Variants in ATXN7 observed in about 807,000 individuals in gnomAD.
ATXN7 encodes ataxin-7.
Under a neutral mutation model 70.5 loss-of-function variants are expected in ATXN7, and 12 were observed. The observed-to-expected ratio is 0.17, with a 90% CI of 0.11 to 0.28. The LOEUF (loss-of-function observed/expected upper bound fraction) is 0.28. ATXN7 is among the 10% of genes least tolerant of loss of function. The probability of loss-of-function intolerance (pLI) is 1.00; values close to 1 mark genes in which losing one functional copy is unlikely to be tolerated. For synonymous variants in ATXN7, 498 were observed against 448.7 expected, an observed-to-expected ratio of 1.11 and a Z score of -1.39; for missense variants, 1,256 against 1,131.7, an observed-to-expected ratio of 1.11 and a Z score of -1.58.
chr3:63,912,540 A>G, intron 2 of ATXN7, 48 bp from the exon 3 acceptor site: 1 of 1,085,486 alleles, frequency 9.2e-7, no homozygotes, highest in South Asian at 2.3e-5. Flanking sequence ...CCTCCTTAAA[A>G]AACGGCCCCC....
intron 6 of ATXN7, among the ~76,000 whole-genome samples, chr3:63,981,102 T>G (rs1439642018): frequency 2.6e-5 from 4 of 152,174 alleles, no homozygotes; most frequent in Non-Finnish European, 5.9e-5. Flanking sequence ...AGGTCCAAGA[T>G]CCGGTAACCT....
At chr3:63,958,319 A>G (rs1372844382) in intron 5 of ATXN7, among the ~76,000 whole-genome samples, 1 of 152,232 alleles carries the variant, frequency 6.6e-6, no homozygotes, top group Non-Finnish European at 1.5e-5. Flanking sequence ...CAAATTACTT[A>G]TATATTCATA....
intron 1 of ATXN7, among the ~76,000 whole-genome samples, chr3:63,878,924 T>C (rs1441684193): frequency 6.6e-6 from 1 of 152,154 alleles, no homozygotes; most frequent in Non-Finnish European, 1.5e-5. Flanking sequence ...CAGTGCCTTC[T>C]ATTGGCCAGA....
At chr3:63,869,363 C>T (rs927711255) in intron 1 of ATXN7, among the ~76,000 whole-genome samples, 1 of 152,114 alleles carries the variant, frequency 6.6e-6, no homozygotes, top group South Asian at 2.1e-4. Flanking sequence ...AAGTGGTAGC[C>T]ATTTTGAAGA....
intron 5 of ATXN7, chr3:63,967,758 T>C (rs2075250370): frequency 7.0e-7 from 1 of 1,418,724 alleles, no homozygotes; most frequent in Middle Eastern, 1.9e-4. Context: ...TCTGTTGATC[T>C]GCCAGGACCT....
Position 63,903,384 on chromosome 3 carries a change from C to A in ATXN7, c.-12+4887C>A, listed in dbSNP as rs1193764528. Among the ~76,000 whole-genome samples the A allele has an allele frequency of 1.3e-4, 13 of 101,336 alleles. No homozygotes were observed. In the East Asian group the frequency reaches 2.2e-3, roughly 17 times the overall value. The allele number at this position is 101,336 out of a possible 152,430, so 66.5% of individuals were successfully genotyped here. On this transcript the variant is annotated intron_variant, in intron 2 of 12. Coordinates refer to ENST00000674280, the MANE Select transcript of ATXN7 (RefSeq NM_001377405.1). ...CCTGGGCAACAGAGCAAGACTCCGTCTCAAAAAAAAAAAAAAAAAAAAAAA... is the reference window on the plus strand; with the variant it reads ...CCTGGGCAACAGAGCAAGACTCCGTATCAAAAAAAAAAAAAAAAAAAAAAA...
At chr3:63,923,300 G>A (rs1704574806) in intron 4 of ATXN7, among the ~76,000 whole-genome samples, 1 of 152,184 alleles carries the variant, frequency 6.6e-6, no homozygotes, top group Admixed American at 6.5e-5. Context: ...GTTTTCTGAT[G>A]GGTGTTAGGG....
At chr3:63,876,402 C>T (rs1348131662) in intron 1 of ATXN7, among the ~76,000 whole-genome samples, 1 of 152,140 alleles carries the variant, frequency 6.6e-6, no homozygotes, top group East Asian at 1.9e-4. Flanking sequence ...AAATCATTTG[C>T]AGATCGAAGT....
chr3:63,919,926 A>G (rs1380461325), intron 4 of ATXN7, among the ~76,000 whole-genome samples: 1 of 151,868 alleles, frequency 6.6e-6, no homozygotes, highest in Non-Finnish European at 1.5e-5. Context: ...TAAATATGCA[A>G]GAGAAAGAGT....
At chr3:63,966,789 CTT>C (rs923035251) in intron 5 of ATXN7, among the ~76,000 whole-genome samples, 8 of 152,192 alleles carry the variant, frequency 5.3e-5, no homozygotes, top group African/African-American at 1.9e-4. Context: ...TAATTCATGA[CTT>C]TTGCCAAATA....
intron 4 of ATXN7, among the ~76,000 whole-genome samples, chr3:63,940,285 TCACACACACACACACA>T (rs34660611): frequency 7.8e-5 from 11 of 141,444 alleles, no homozygotes; most frequent in Non-Finnish European, 1.2e-4. Flanking sequence ...CCATGCCCCA[TCACACACACACACACA>T]CACACACACA....
intron 5 of ATXN7, among the ~76,000 whole-genome samples, chr3:63,954,310 C>T (rs1478237745): frequency 6.6e-6 from 1 of 152,162 alleles, no homozygotes; most frequent in Non-Finnish European, 1.5e-5. Context: ...TTGGTGGCCC[C>T]GGATTGGCAA....
intron 4 of ATXN7, among the ~76,000 whole-genome samples, chr3:63,943,733 G>C (rs1027519453): frequency 6.6e-6 from 1 of 152,156 alleles, no homozygotes; most frequent in Non-Finnish European, 1.5e-5. Flanking sequence ...AGTAAAGAAG[G>C]AAGAAACTAC....
chr3:63,875,444 T>C (rs1243106903), intron 1 of ATXN7, among the ~76,000 whole-genome samples: 1 of 152,078 alleles, frequency 6.6e-6, no homozygotes, highest in Non-Finnish European at 1.5e-5. Flanking sequence ...ACCATGACAG[T>C]GTGTAATGGT....
intron 2 of ATXN7, among the ~76,000 whole-genome samples, chr3:63,910,908 C>A (rs1703991751): frequency 6.6e-6 from 1 of 151,888 alleles, no homozygotes; most frequent in South Asian, 2.1e-4. Flanking sequence ...TCTAGCAATC[C>A]CACCTTATGT....
At chr3:63,912,484 C>A in intron 2 of ATXN7, 104 bp from the exon 3 acceptor site, 1 of 732,058 alleles carries the variant, frequency 1.4e-6, no homozygotes, top group Non-Finnish European at 1.7e-6. Flanking sequence ...TGTCAGCGTG[C>A]CCCACCCGGT....
At chr3:63,952,552 C>G in intron 5 of ATXN7, 69 bp downstream of exon 5, 1 of 1,102,478 alleles carries the variant, frequency 9.1e-7, no homozygotes, top group Non-Finnish European at 1.3e-6. Flanking sequence ...AACTAAGGAA[C>G]AGTGATGGCA....
chr3:63,868,029 T>C (rs1441301367), intron 1 of ATXN7, among the ~76,000 whole-genome samples: 6 of 152,262 alleles, frequency 3.9e-5, no homozygotes, highest in Admixed American at 1.3e-4. Flanking sequence ...CTGCATGTAC[T>C]GTGGCTGTGT....
rs949135613 is a variant in ATXN7 at position 63,939,381 on chromosome 3, G to A, written c.395-12998G>A. ...CTTTCACCCTGTACTGCTGCAGACA[G>A]CTCTTGATTGACCTCCTCACTTCCA... On this transcript the variant is annotated intron_variant, in intron 4 of 12. Transcript: ENST00000674280. 2.0e-5 allele frequency among the ~76,000 whole-genome samples: 3 copies of A among 152,248 alleles called. No homozygotes were observed. The East Asian group carries it at 5.8e-4, about 29-fold the overall frequency.
Sources: allele counts gnomAD v4.1 joint callset (sites outside exome capture counted in the v4.1 genomes callset), GRCh38; gene constraint gnomAD v4.1.1; transcripts MANE v1.5; gene names NCBI Gene and HGNC (gene_info 2026-07-23, HGNC 2026-07-21).